Variants in PEX2 observed in about 807,000 individuals in gnomAD.
The protein encoded by PEX2 is peroxisomal biogenesis factor 2, also known as peroxisome biogenesis factor 2.
A neutral mutation model predicts 25.2 loss-of-function variants in PEX2; 19 were observed. That is an observed-to-expected ratio of 0.75 (90% CI 0.53 to 1.10). The LOEUF (loss-of-function observed/expected upper bound fraction) is 1.10. Among genes scored for constraint, PEX2 ranks in the 50% least tolerant of loss-of-function variants. The pLI is 0.00. For missense variants in PEX2, 347 were observed against 350.6 expected, an observed-to-expected ratio of 0.99 and a Z score of 0.08; for synonymous variants, 141 against 127.7, an observed-to-expected ratio of 1.10 and a Z score of -0.70.
At position 76,983,731 on chromosome 8, in the gene PEX2, C is replaced by T; in HGVS notation, c.448G>A (p.Gly150Arg). Reference protein sequence around the residue: ...NFVIGLLKLGGLINFLIFLQR... With the variant: ...NFVIGLLKLGRLINFLIFLQR... The stretch of plus-strand genomic sequence containing the variant: ...AGGAAAATCAAAAAATTAATCAGCC[C>T]ACCTAATTTCAAAAGTCCAATCACA... Residue 150 changes from glycine (G) to arginine (R), a missense_variant, in exon 4 of 4, where the codon GGG becomes AGG. Coordinates refer to ENST00000357039, the MANE Select transcript of PEX2 (RefSeq NM_000318.3). 6.2e-7 allele frequency: 1 copy of T among 1,613,916 alleles called. No homozygotes were observed. The highest frequency in any genetic ancestry group is 8.5e-7 in the Non-Finnish European group (1 of 1,179,968).
intron 3 of PEX2, among the ~76,000 whole-genome samples, chr8:76,985,198 T>C (rs948748922): frequency 1.3e-5 from 2 of 148,910 alleles, no homozygotes; most frequent in South Asian, 4.2e-4. Flanking sequence ...AAAATGAGGC[T>C]TAAATTTAGT....
Position 76,980,884 on chromosome 8 carries a change from T to C in PEX2, c.*2377A>G, listed in dbSNP as rs4388434. On this transcript the variant is annotated 3_prime_UTR_variant, in exon 4 of 4. Coordinates refer to ENST00000357039, the MANE Select transcript of PEX2 (RefSeq NM_000318.3). ...AACAGATGTGCAGAGATGTGGCACATTGCCCTAGGTTATACACAAGTGGGA... is the reference window on the plus strand; with the variant it reads ...AACAGATGTGCAGAGATGTGGCACACTGCCCTAGGTTATACACAAGTGGGA... The C allele has an allele frequency of 0.95, 144,969 of 152,294 alleles. 69,148 individuals carry two copies. The highest frequency in any genetic ancestry group is 0.99 in the East Asian group (5,135 of 5,182). The allele number at this position is 152,294 out of a possible 1,614,324, so 9.4% of individuals were successfully genotyped here.
intron 1 of PEX2, among the ~76,000 whole-genome samples, chr8:76,995,687 A>G (rs1807304110): frequency 6.6e-6 from 1 of 152,240 alleles, no homozygotes; most frequent in Non-Finnish European, 1.5e-5. Context: ...CTTTATAAGT[A>G]TATTTTTAAG....
chr8:77,000,170 G>A (rs1437393671), upstream of PEX2: 6 of 318,720 alleles, frequency 1.9e-5, no homozygotes, highest in African/African-American at 6.7e-5. Flanking sequence ...AACGAGAACT[G>A]CGCTTTAGCG....
chr8:76,984,022 C>A lies in PEX2; in HGVS notation c.157G>T (p.Glu53Ter), dbSNP rs1224562361. 1.2e-6 allele frequency: 2 copies of A among 1,613,524 alleles called. No individual in the cohort carries two copies. Among genetic ancestry groups the A allele is most frequent in the Non-Finnish European group, 1.7e-6 (2 of 1,179,678 alleles). The change falls in exon 4 of 4, where the codon GAG (glutamate) becomes TAG (stop). Residue 53 changes from glutamate to a stop codon, truncating the protein, a stop_gained. Coordinates refer to ENST00000357039, the MANE Select transcript of PEX2 (RefSeq NM_000318.3). LOFTEE classifies it high-confidence loss of function. Reference sequence around the variant, plus strand: ...CATAAGCACGCTTTCACCTCTGGCTCAAAGCGAGCTAACAGCCCAGGTTTA... The same window carrying A: ...CATAAGCACGCTTTCACCTCTGGCTAAAAGCGAGCTAACAGCCCAGGTTTA... ...GFKPGLLARF[E>*]PEVKACLWVF...
In PEX2 at chr8:76,983,780, C is replaced by G. The variant is rs760342808; in HGVS notation, c.399G>C (p.Gly133=). 1 of 1,613,926 alleles carries G rather than the reference C, an allele frequency of 6.2e-7. No individual in the cohort carries two copies. Among genetic ancestry groups the G allele is most frequent in the Admixed American group, 1.7e-5 (1 of 59,994 alleles). Residue 133 remains glycine, a synonymous_variant, in exon 4 of 4, where the codon GGG becomes GGC. Coordinates refer to ENST00000357039, the MANE Select transcript of PEX2 (RefSeq NM_000318.3). ...CAAAATTCACACACTGCTTGACTTT[C>G]CCAAATGATGCTAAATGATGGTTTC... ...LFRNHHLASF[G]KVKQCVNFVI...
intron 1 of PEX2, among the ~76,000 whole-genome samples, chr8:76,996,461 C>G (rs569051757): frequency 1.3e-5 from 2 of 152,274 alleles, no homozygotes; most frequent in South Asian, 4.1e-4. Flanking sequence ...ACAGGTCACA[C>G]AGATGGGGCT....
chr8:77,000,544 G>A (rs960338533), upstream of PEX2, among the ~76,000 whole-genome samples: 8 of 152,230 alleles, frequency 5.3e-5, no homozygotes, highest in African/African-American at 1.9e-4. Context: ...TGGCCTGGTG[G>A]GGAGGGAGCC....
rs1195090478 is a variant in PEX2 at position 76,982,252 on chromosome 8, C to T, written c.*1009G>A. ...GATACAGAATTATCTTGATTATGCA[C>T]TGCTGTTACTATTCCCATGCTAAAG... On this transcript the variant is annotated 3_prime_UTR_variant, in exon 4 of 4. Coordinates refer to ENST00000357039, the MANE Select transcript of PEX2 (RefSeq NM_000318.3). 6.6e-6 allele frequency: 1 copy of T among 152,156 alleles called. No individual in the cohort carries two copies. The allele number at this position is 152,156 out of a possible 1,614,324, so 9.4% of individuals were successfully genotyped here. A position where few individuals can be genotyped will look rare whatever the true frequency, so the allele number is the denominator to read the frequency against.
At chr8:76,997,354 A>C (rs1807367363) in intron 1 of PEX2, among the ~76,000 whole-genome samples, 1 of 152,238 alleles carries the variant, frequency 6.6e-6, no homozygotes, top group African/African-American at 2.4e-5. Flanking sequence ...AGATCGCCTA[A>C]GGTGAGGAGT....
rs1189607014 is a variant in PEX2, at chr8:77,000,001, G to T, written c.-171C>A. 4.4e-6 allele frequency: 2 copies of T among 455,230 alleles called. No homozygotes were observed. The highest frequency in any genetic ancestry group is 1.4e-4 in the East Asian group (2 of 14,260). 28.2% of individuals were successfully genotyped at this position (455,230 alleles called of 1,614,324 possible). A position where few individuals can be genotyped will look rare whatever the true frequency, so the allele number is the denominator to read the frequency against. ...GGGCAGACACTGACCTTAGGAGTCT[G>T]CGAAACGCCCACGCTCCACGTAACT... is the stretch of plus-strand genomic sequence containing the variant. On this transcript the variant is annotated 5_prime_UTR_variant, in exon 1 of 4. Transcript: ENST00000357039.
chr8:76,997,397 T>C (rs1369678851), intron 1 of PEX2, among the ~76,000 whole-genome samples: 1 of 152,126 alleles, frequency 6.6e-6, no homozygotes, highest in African/African-American at 2.4e-5. Context: ...GGTGAAACCC[T>C]GTCTCTACTA....
Position 76,992,477 on chromosome 8 carries a change from C to A in PEX2, c.-159-4139G>T, listed in dbSNP as rs150505504. 3.4e-3 allele frequency among the ~76,000 whole-genome samples: 520 copies of A among 152,240 alleles called. 7 individuals are homozygous for A. The highest frequency in any genetic ancestry group is 0.012 in the African/African-American group (486 of 41,548). ...TGGCAGGTACAGCTATTCTAGAATA[C>A]TCTCTTTAGAAAAGGGCAGCAAAGG... On this transcript the variant is annotated intron_variant, in intron 1 of 3. Coordinates refer to ENST00000357039, the MANE Select transcript of PEX2 (RefSeq NM_000318.3).
chr8:76,992,911 A>G (rs1284054987), intron 1 of PEX2, among the ~76,000 whole-genome samples: 1 of 152,218 alleles, frequency 6.6e-6, no homozygotes, highest in East Asian at 1.9e-4. Flanking sequence ...AAAGATCACA[A>G]AACTTTCCAG....
At chr8:76,997,231 A>C (rs538546824) in intron 1 of PEX2, among the ~76,000 whole-genome samples, 5 of 152,364 alleles carry the variant, frequency 3.3e-5, no homozygotes, top group Admixed American at 1.3e-4. Flanking sequence ...AAAGGAATAG[A>C]TGAGTGAAAA....
upstream of PEX2, among the ~76,000 whole-genome samples, chr8:77,000,440 G>C (rs975410982): frequency 1.3e-5 from 2 of 151,838 alleles, no homozygotes; most frequent in Admixed American, 1.3e-4. Flanking sequence ...CGGACATCGC[G>C]AAGGGCCTCT....
At chr8:76,988,535 A>G (rs971228797) in intron 1 of PEX2, among the ~76,000 whole-genome samples, 197 bp from the exon 2 acceptor site, 9 of 152,236 alleles carry the variant, frequency 5.9e-5, no homozygotes, top group African/African-American at 1.9e-4. Context: ...GCCTTCAGTG[A>G]GTTATAATCT....
intron 1 of PEX2, among the ~76,000 whole-genome samples, chr8:76,990,399 A>G (rs1807133558): frequency 6.6e-6 from 1 of 152,194 alleles, no homozygotes; most frequent in South Asian, 2.1e-4. Flanking sequence ...TTTCCTCTGC[A>G]TTCACAACTT....
At chr8:76,985,166 C>T (rs1038604422) in intron 3 of PEX2, among the ~76,000 whole-genome samples, 2 of 71,362 alleles carry the variant, frequency 2.8e-5, no homozygotes, top group African/African-American at 1.0e-4. Context: ...CTGGCAAATC[C>T]ACCCATGACA....
Sources: allele counts gnomAD v4.1 joint callset (sites outside exome capture counted in the v4.1 genomes callset), GRCh38; gene constraint gnomAD v4.1.1; transcripts MANE v1.5; gene names NCBI Gene and HGNC (gene_info 2026-07-23, HGNC 2026-07-21).